Variants in TFB2M observed in about 807,000 individuals in gnomAD.
TFB2M encodes the protein dimethyladenosine transferase 2, mitochondrial.
In TFB2M, 44 loss-of-function variants were observed where a neutral mutation model predicts 41.3. That is an observed-to-expected ratio of 1.07 (90% confidence interval 0.84 to 1.37). The LOEUF (loss-of-function observed/expected upper bound fraction) is 1.37, where lower values mean the gene tolerates loss of function less well. Among genes scored for constraint, TFB2M ranks in the 40% most tolerant of loss-of-function variants. The pLI is 0.00. For synonymous variants in TFB2M, 188 were observed against 176.8 expected (o/e 1.06, Z -0.50); for missense variants, 496 against 490.2 (o/e 1.01, Z -0.11).
intron 2 of TFB2M, among the ~76,000 whole-genome samples, chr1:246,562,698 C>T (rs899150817): frequency 5.9e-5 from 9 of 151,540 alleles, no homozygotes; most frequent in African/African-American, 2.2e-4. Context: ...GTAGCTCAGT[C>T]GCCCAGGCTG....
intron 7 of TFB2M, among the ~76,000 whole-genome samples, chr1:246,542,820 A>G (rs1658898775): frequency 6.6e-6 from 1 of 152,072 alleles, no homozygotes. Context: ...TTTTCATTCA[A>G]AATAGCCACA....
At chr1:246,550,572 A>G (rs998771387) in intron 5 of TFB2M, among the ~76,000 whole-genome samples, 1 of 152,236 alleles carries the variant, frequency 6.6e-6, no homozygotes, top group African/African-American at 2.4e-5. Flanking sequence ...GTGAAGATCC[A>G]CATTGTAAAT....
chr1:246,565,104 T>C (rs1659580206), intron 1 of TFB2M, among the ~76,000 whole-genome samples: 1 of 152,232 alleles, frequency 6.6e-6, no homozygotes, highest in Admixed American at 6.5e-5. Context: ...TCAAAGAGAT[T>C]GTCAAGCCTA....
rs1658842648 is a variant in TFB2M, at chr1:246,541,123, G to A, written c.1099C>T (p.Pro367Ser). The A allele has an allele frequency of 1.2e-6, 2 of 1,613,976 alleles. No individual in the cohort carries two copies. Among genetic ancestry groups the A allele is most frequent in the Non-Finnish European group, 8.5e-7 (1 of 1,179,924 alleles). ...TCAAAAAGTGTTTTGAAGTCTTGAG[G>A]GTGCATGTTAACTACTTTCTCATCC... ...QEDEKVVNMH[P>S]QDFKTLFETI... Residue 367 changes from proline to serine, a missense_variant, in exon 8 of 8, where the codon CCT (proline) becomes TCT (serine). By Grantham distance (74) the Pro-to-Ser change is moderately conservative. Coordinates refer to ENST00000366514, the MANE Select transcript of TFB2M (RefSeq NM_022366.3).
intron 1 of TFB2M, 123 bp downstream of exon 1, chr1:246,565,703 T>C: frequency 9.2e-7 from 1 of 1,088,164 alleles, no homozygotes; most frequent in Non-Finnish European, 1.3e-6. Context: ...ACAGCGAGAC[T>C]CCGTCTCAAA....
At position 246,541,017 on chromosome 1, in the gene TFB2M, C is replaced by G. The variant is rs368133499; in HGVS notation, c.*14G>C. 1 of 1,583,606 alleles carries G rather than the reference C, an allele frequency of 6.3e-7. No individual in the cohort carries two copies. Among genetic ancestry groups the G allele is most frequent in the South Asian group, 1.2e-5 (1 of 86,404 alleles). ...AATAAATGAACCGCTCCACCAAAAA[C>G]GACAGTCTAGTTGCTACCTATCTTC... is the stretch of plus-strand genomic sequence containing the variant. On this transcript the variant is annotated 3_prime_UTR_variant, in exon 8 of 8. Transcript: ENST00000366514.
Position 246,540,736 on chromosome 1 carries a change from A to G in TFB2M, c.*295T>C. On this transcript the variant is annotated 3_prime_UTR_variant, in exon 8 of 8. Transcript: ENST00000366514. ...AGACTCTTGCTCTTCAAGAAGATGC[A>G]AAAATCAGCAACAGTACAAGTGAAA... 3.6e-6 allele frequency: 1 copy of G among 274,006 alleles called. No homozygotes were observed. The highest frequency in any genetic ancestry group is 6.9e-6 in the Non-Finnish European group (1 of 145,346). 17.0% of individuals were successfully genotyped at this position (274,006 alleles called of 1,614,324 possible). A position where few individuals can be genotyped will look rare whatever the true frequency, so the allele number is the denominator to read the frequency against.
At position 246,564,383 on chromosome 1, in the gene TFB2M, G is replaced by T; in HGVS notation, c.365C>A (p.Ala122Glu). 1 of 1,614,104 alleles carries T rather than the reference G, an allele frequency of 6.2e-7. No homozygotes were observed. ...AATAAAAGTTTTGTCACTTTCGAGC[G>T]CAACCACTTTGGCACCAGCTTCAAG... ...ALLEAGAKVVALESDKTFIPH... is the reference protein window; with the variant it reads ...ALLEAGAKVVELESDKTFIPH... The change falls in exon 2 of 8, where the codon GCG becomes GAG. Residue 122 changes from alanine (A) to glutamate (E), a missense_variant. Ala to Glu is a moderately radical substitution (Grantham distance 107). Coordinates refer to ENST00000366514, the MANE Select transcript of TFB2M (RefSeq NM_022366.3).
chr1:246,565,417 C>G lies in TFB2M; in HGVS notation c.313+409G>C, dbSNP rs142187646. Among the ~76,000 whole-genome samples the G allele has an allele frequency of 1.3e-3, 200 of 152,290 alleles. 1 individual carries two copies. The highest frequency in any genetic ancestry group is 4.6e-3 in the African/African-American group (191 of 41,556). ...ATCTCTCCAACTAAGGAGCTTCAAA[C>G]AAAGACCCGTATCTGGACGGGCGCA... On this transcript the variant is annotated intron_variant, in intron 1 of 7. Coordinates refer to ENST00000366514, the MANE Select transcript of TFB2M (RefSeq NM_022366.3).
intron 4 of TFB2M, among the ~76,000 whole-genome samples, chr1:246,554,592 A>T (rs1659270978): frequency 6.6e-6 from 1 of 152,204 alleles, no homozygotes; most frequent in Admixed American, 6.5e-5. Flanking sequence ...ATCTAGTTTC[A>T]GGAAAACTAG....
chr1:246,545,098 G>A (rs566424629), intron 6 of TFB2M, among the ~76,000 whole-genome samples: 8 of 152,048 alleles, frequency 5.3e-5, no homozygotes, highest in African/African-American at 1.2e-4. Flanking sequence ...GAGCCACCGT[G>A]CCCGGCCCAC....
At chr1:246,562,439 C>G (rs1034133959) in intron 2 of TFB2M, among the ~76,000 whole-genome samples, 9 of 152,210 alleles carry the variant, frequency 5.9e-5, no homozygotes, top group Admixed American at 5.2e-4. Flanking sequence ...TGACTACAGG[C>G]TGAGCATCCT....
At chr1:246,547,969 A>G (rs1209869370) in intron 6 of TFB2M, among the ~76,000 whole-genome samples, 2 of 146,572 alleles carry the variant, frequency 1.4e-5, no homozygotes, top group Admixed American at 1.4e-4. Flanking sequence ...TTTTTTTGAG[A>G]CAGAGTCTCG....
intron 5 of TFB2M, among the ~76,000 whole-genome samples, chr1:246,550,359 A>G (rs183149847): frequency 1.3e-5 from 2 of 152,334 alleles, no homozygotes; most frequent in Admixed American, 6.5e-5. Context: ...AATGGAGAAA[A>G]ATGATGAGAG....
At chr1:246,546,091 G>A (rs1037771930) in intron 6 of TFB2M, among the ~76,000 whole-genome samples, 5 of 152,094 alleles carry the variant, frequency 3.3e-5, no homozygotes, top group African/African-American at 1.2e-4. Context: ...GAGGCAGGAG[G>A]ATCGCTGGAG....
intron 1 of TFB2M, 61 bp from the exon 2 acceptor site, chr1:246,564,495 A>T: frequency 1.4e-6 from 2 of 1,476,108 alleles, no homozygotes; most frequent in Non-Finnish European, 1.9e-6. Context: ...TTTCAATACC[A>T]AACTTTCATT....
At chr1:246,553,011 C>A (rs1659226726) in intron 4 of TFB2M, among the ~76,000 whole-genome samples, 1 of 151,916 alleles carries the variant, frequency 6.6e-6, no homozygotes, top group Non-Finnish European at 1.5e-5. Context: ...CATGAGGTCA[C>A]CAGTTTGAGA....
In TFB2M at chr1:246,557,538, A is replaced by G; in HGVS notation, c.403-4T>C. The G allele has an allele frequency of 6.3e-7, 1 of 1,583,476 alleles. No individual in the cohort carries two copies. The highest frequency in any genetic ancestry group is 8.6e-7 in the Non-Finnish European group (1 of 1,168,006). On this transcript the variant is annotated splice_region_variant and splice_polypyrimidine_tract_variant and intron_variant, in intron 2 of 7. Transcript: ENST00000366514. ...CATCCAGATTTTTTCCTAAGGACTA[A>G]AGAGAGACAAAGATAACACGTTAAA...
At chr1:246,564,295 TCA>T in intron 2 of TFB2M, 49 bp downstream of exon 2, 1 of 1,517,816 alleles carries the variant, frequency 6.6e-7, no homozygotes, top group Non-Finnish European at 9.1e-7. Context: ...CTTAAACCAC[TCA>T]CAGATAGTTG....
Sources: gnomAD v4.1 joint callset for allele counts (sites outside exome capture counted in the v4.1 genomes callset) on GRCh38, gnomAD v4.1.1 for gene constraint, MANE v1.5 for transcripts, NCBI Gene and HGNC (gene_info 2026-07-23, HGNC 2026-07-21) for gene names.